CISD2: variants seen among roughly 807,000 people sequenced by gnomAD.
The protein encoded by CISD2 is CDGSH iron sulfur domain 2.
In CISD2, 1 loss-of-function variant was observed where a neutral mutation model predicts 12.9. The observed-to-expected ratio is 0.08, with a 90% CI of 0.03 to 0.37. The LOEUF (loss-of-function observed/expected upper bound fraction) is 0.37. Ranked by LOEUF, CISD2 falls within the 10% of genes least tolerant of loss-of-function variation. The probability of loss-of-function intolerance (pLI) is 0.99; values close to 1 mark genes in which losing one functional copy is unlikely to be tolerated. For synonymous variants in CISD2, 50 were observed against 60.6 expected (o/e 0.83, Z 0.81); for missense variants, 97 against 163.1 (o/e 0.59, Z 2.21).
In CISD2 at chr4:102,887,521, C is replaced by T. The variant is rs1733991950; in HGVS notation, c.*91C>T. 1 of 721,226 alleles carries T rather than the reference C, an allele frequency of 1.4e-6. No homozygotes were observed. The allele number at this position is 721,226 out of a possible 1,614,324, so 44.7% of individuals were successfully genotyped here. ...ACTACTGGTTGAACAATTATTTCTT[C>T]CAATTTATTTTCTTCCTGCACTACT... On this transcript the variant is annotated 3_prime_UTR_variant, in exon 3 of 3. Transcript: ENST00000273986.
At chr4:102,875,284 C>G (rs542615177) in intron 1 of CISD2, among the ~76,000 whole-genome samples, 2 of 152,274 alleles carry the variant, frequency 1.3e-5, no homozygotes, top group South Asian at 2.1e-4. Context: ...ACAGTTTTTG[C>G]TCATGCCAGT....
chr4:102,888,566 T>G lies in CISD2; in HGVS notation c.*1136T>G, dbSNP rs1004281520. On this transcript the variant is annotated 3_prime_UTR_variant, in exon 3 of 3. Coordinates refer to ENST00000273986, the MANE Select transcript of CISD2 (RefSeq NM_001008388.5). ...TGTGAAATAAACGTACTGGAGAATC[T>G]TTAAAATTTTTGTGCTTTTTAATCC... 2 of 152,266 alleles carry G rather than the reference T, an allele frequency of 1.3e-5. No homozygotes were observed. Among genetic ancestry groups the G allele is most frequent in the East Asian group, 3.8e-4 (2 of 5,206 alleles). The allele number at this position is 152,266 out of a possible 1,614,324, so 9.4% of individuals were successfully genotyped here. A position where few individuals can be genotyped will look rare whatever the true frequency, so the allele number is the denominator to read the frequency against.
rs1734231606 is a variant in CISD2 at position 102,891,201 on chromosome 4, A to G, written c.*3771A>G. 1 of 147,026 alleles carries G rather than the reference A, an allele frequency of 6.8e-6. No homozygotes were observed. The highest frequency in any genetic ancestry group is 2.7e-5 in the African/African-American group (1 of 36,790). The allele number at this position is 147,026 out of a possible 1,614,324, so 9.1% of individuals were successfully genotyped here. ...ATTGAAAAAGTCTTCTTTTTAAAAAATTTTTAATGGTAGAGGCAGCAGCTA... is the reference window on the plus strand; with the variant it reads ...ATTGAAAAAGTCTTCTTTTTAAAAAGTTTTTAATGGTAGAGGCAGCAGCTA... On this transcript the variant is annotated 3_prime_UTR_variant, in exon 3 of 3. Transcript: ENST00000273986.
intron 2 of CISD2, among the ~76,000 whole-genome samples, chr4:102,886,558 T>TA (rs1733928797): frequency 6.6e-6 from 1 of 152,146 alleles, no homozygotes; most frequent in Non-Finnish European, 1.5e-5. Flanking sequence ...TGTTAATTAT[T>TA]ATTATGTGTA....
At chr4:102,869,380 A>C in intron 1 of CISD2, 193 bp downstream of exon 1, 1 of 757,622 alleles carries the variant, frequency 1.3e-6, no homozygotes. Flanking sequence ...CGGGTGCTTG[A>C]TGCCCCAGGG....
intron 2 of CISD2, 138 bp from the exon 3 acceptor site, chr4:102,887,203 A>C (rs1404150846): frequency 1.6e-6 from 1 of 613,788 alleles, no homozygotes; most frequent in East Asian, 3.0e-5. Context: ...TTGGATGTAG[A>C]ATGTAACTAT....
In CISD2 at chr4:102,884,956, A is replaced by C. The variant is rs949589914; in HGVS notation, c.104-260A>C. On this transcript the variant is annotated intron_variant, in intron 1 of 2. Coordinates refer to ENST00000273986, the MANE Select transcript of CISD2 (RefSeq NM_001008388.5). ...ACAAACACAAATAGACTTGATGTAG[A>C]CAATGAGATAGGATATTTGAAATGG... 1.2e-5 allele frequency: 5 copies of C among 427,714 alleles called. No individual in the cohort carries two copies. The East Asian group carries it at 2.5e-4, about 21-fold the overall frequency. 26.5% of individuals were successfully genotyped at this position (427,714 alleles called of 1,614,324 possible).
At chr4:102,885,160 C>A in intron 1 of CISD2, 56 bp from the exon 2 acceptor site, 2 of 1,331,382 alleles carry the variant, frequency 1.5e-6, no homozygotes, top group Non-Finnish European at 2.2e-6. Flanking sequence ...ACTAGACATG[C>A]TATTTTGAAT....
intron 1 of CISD2, among the ~76,000 whole-genome samples, chr4:102,876,190 G>A (rs911412594): frequency 6.6e-6 from 1 of 152,156 alleles, no homozygotes; most frequent in Non-Finnish European, 1.5e-5. Flanking sequence ...TGTGGAGTGT[G>A]GTAGGTACTA....
At chr4:102,884,747 G>A (rs934426644) in intron 1 of CISD2, among the ~76,000 whole-genome samples, 3 of 152,148 alleles carry the variant, frequency 2.0e-5, no homozygotes, top group Admixed American at 6.6e-5. Flanking sequence ...TACCAAAAAT[G>A]TACCTTAAAG....
At position 102,891,047 on chromosome 4, in the gene CISD2, T is replaced by C. The variant is rs1373110683; in HGVS notation, c.*3617T>C. The stretch of plus-strand genomic sequence containing the variant: ...AGATATAGTCAAAGTATGAAATCAT[T>C]GATAGATCCAGAACAAGGAAATGAT... On this transcript the variant is annotated 3_prime_UTR_variant, in exon 3 of 3. Coordinates refer to ENST00000273986, the MANE Select transcript of CISD2 (RefSeq NM_001008388.5). The C allele has an allele frequency of 6.6e-6, 1 of 150,994 alleles. No individual in the cohort carries two copies. The highest frequency in any genetic ancestry group is 1.9e-4 in the East Asian group (1 of 5,192). The allele number at this position is 150,994 out of a possible 1,614,324, so 9.4% of individuals were successfully genotyped here. A position where few individuals can be genotyped will look rare whatever the true frequency, so the allele number is the denominator to read the frequency against.
Position 102,869,175 on chromosome 4 carries a change from G to C in CISD2, c.91G>C (p.Ala31Pro). ...LPVPESITGF[A>P]RLTVSEWLRL... Reference sequence around the variant, plus strand: ...AGTCCCTGAAAGCATTACCGGGTTCGCTAGGCTCACAGGTAATCCTCCCCC... The same window carrying C: ...AGTCCCTGAAAGCATTACCGGGTTCCCTAGGCTCACAGGTAATCCTCCCCC... The change falls in exon 1 of 3, where the codon GCT (alanine) becomes CCT (proline). Residue 31 changes from alanine to proline, a missense_variant. By Grantham distance (27) the Ala-to-Pro change is conservative. Around this residue, in one of 2 missense-constraint regions of CISD2, gnomAD observed 89 missense variants for 114.4 expected, o/e 0.78. Transcript: ENST00000273986. 2 of 1,608,632 alleles carry C rather than the reference G, an allele frequency of 1.2e-6. No homozygotes were observed. Among genetic ancestry groups the C allele is most frequent in the Non-Finnish European group, 1.7e-6 (2 of 1,177,762 alleles).
Position 102,869,071 on chromosome 4 carries a change from C to A in CISD2, c.-14C>A. ...GGAGGGGGCTCGGGAGAGGAGTGGA[C>A]GCCGCTGGCCAGGATGGTGCTGGAG... On this transcript the variant is annotated 5_prime_UTR_variant, in exon 1 of 3. Coordinates refer to ENST00000273986, the MANE Select transcript of CISD2 (RefSeq NM_001008388.5). 6.2e-7 allele frequency: 1 copy of A among 1,602,536 alleles called. No homozygotes were observed. The highest frequency in any genetic ancestry group is 8.5e-7 in the Non-Finnish European group (1 of 1,175,328).
Position 102,890,945 on chromosome 4 carries a change from C to T in CISD2, c.*3515C>T, listed in dbSNP as rs973781705. 1 of 148,458 alleles carries T rather than the reference C, an allele frequency of 6.7e-6. No homozygotes were observed. The highest frequency in any genetic ancestry group is 2.6e-5 in the African/African-American group (1 of 39,124). 9.2% of individuals were successfully genotyped at this position (148,458 alleles called of 1,614,324 possible). ...GAGGAAACCAATATAAATATCTCAGCATTGTAGGAAATTTAACCCATGGAA... is the reference window on the plus strand; with the variant it reads ...GAGGAAACCAATATAAATATCTCAGTATTGTAGGAAATTTAACCCATGGAA... On this transcript the variant is annotated 3_prime_UTR_variant, in exon 3 of 3. Coordinates refer to ENST00000273986, the MANE Select transcript of CISD2 (RefSeq NM_001008388.5).
intron 1 of CISD2, among the ~76,000 whole-genome samples, chr4:102,871,809 TAG>T (rs1268037381): frequency 1.3e-5 from 2 of 152,206 alleles, no homozygotes; most frequent in Non-Finnish European, 2.9e-5. Context: ...CTATGAAAAT[TAG>T]AGCAAAAAAC....
At chr4:102,886,411 A>C (rs922013635) in intron 2 of CISD2, among the ~76,000 whole-genome samples, 1 of 151,960 alleles carries the variant, frequency 6.6e-6, no homozygotes, top group Non-Finnish European at 1.5e-5. Context: ...AAATCACTTG[A>C]ACCCAGGAGG....
chr4:102,880,972 CAG>C (rs2110396891), intron 1 of CISD2, among the ~76,000 whole-genome samples: 2 of 146,370 alleles, frequency 1.4e-5, no homozygotes, highest in Non-Finnish European at 3.0e-5. Flanking sequence ...GCCTGGGAAA[CAG>C]AGCGAGACGC....
intron 1 of CISD2, among the ~76,000 whole-genome samples, chr4:102,881,792 G>A (rs1055299634): frequency 3.3e-5 from 5 of 152,312 alleles, no homozygotes; most frequent in African/African-American, 1.2e-4. Flanking sequence ...AAGGAATTAA[G>A]TGTTCAAAAG....
intron 1 of CISD2, among the ~76,000 whole-genome samples, chr4:102,874,048 C>T (rs1279099107): frequency 2.6e-5 from 4 of 151,814 alleles, no homozygotes; most frequent in African/African-American, 9.7e-5. Flanking sequence ...ATCGCTTGAA[C>T]CCAGGAGGCA....
Sources: allele counts gnomAD v4.1 joint callset (sites outside exome capture counted in the v4.1 genomes callset), GRCh38; gene constraint gnomAD v4.1.1; regional missense constraint gnomAD v4.1.1; transcripts MANE v1.5; gene names NCBI Gene and HGNC (gene_info 2026-07-23, HGNC 2026-07-21).